RASAL2: variants seen among roughly 807,000 people sequenced by gnomAD.
The protein encoded by RASAL2 is ras GTPase-activating protein nGAP.
A neutral mutation model predicts 128.9 loss-of-function variants in RASAL2; 58 were observed. The ratio of observed to expected loss-of-function variants is 0.45; its 90% CI spans 0.36 to 0.56. RASAL2 has a LOEUF of 0.56. RASAL2 is among the 20% of genes least tolerant of loss of function. RASAL2 has a pLI of 0.00. For synonymous variants in RASAL2, 561 were observed against 580.8 expected (o/e 0.97, Z 0.49); for missense variants, 1,360 against 1,601.6 (o/e 0.85, Z 2.57).
At chr1:178,306,958 T>TAC (rs1191877355) in intron 3 of RASAL2, among the ~76,000 whole-genome samples, 4 of 151,296 alleles carry the variant, frequency 2.6e-5, no homozygotes, top group African/African-American at 9.7e-5. Context: ...GGCACATGTA[T>TAC]ACATATGTAA....
At chr1:178,142,371 C>T (rs1660565049) in intron 1 of RASAL2, among the ~76,000 whole-genome samples, 1 of 152,094 alleles carries the variant, frequency 6.6e-6, no homozygotes, top group South Asian at 2.1e-4. Flanking sequence ...TCCTTTCCCT[C>T]CTCTTGGGGA....
chr1:178,178,481 T>C (rs1176591423), intron 1 of RASAL2, among the ~76,000 whole-genome samples: 1 of 152,184 alleles, frequency 6.6e-6, no homozygotes, highest in Non-Finnish European at 1.5e-5. Flanking sequence ...ATATGAGATA[T>C]TGCAAGTCAA....
At chr1:178,339,310 G>A (rs1461957345) in intron 3 of RASAL2, among the ~76,000 whole-genome samples, 1 of 152,228 alleles carries the variant, frequency 6.6e-6, no homozygotes. Context: ...TTGCTTCTAA[G>A]AGTAATTTCT....
intron 1 of RASAL2, among the ~76,000 whole-genome samples, chr1:178,179,308 C>T (rs999443513): frequency 6.6e-6 from 1 of 152,152 alleles, no homozygotes; most frequent in African/African-American, 2.4e-5. Context: ...TCTGAAACAC[C>T]ACTGACTGAG....
chr1:178,428,887 C>T (rs192610964), intron 5 of RASAL2, among the ~76,000 whole-genome samples: 10 of 152,268 alleles, frequency 6.6e-5, no homozygotes, highest in South Asian at 2.1e-4. Context: ...TGCTCTTCCC[C>T]TGTAGCCTAC....
chr1:178,299,194 T>C (rs1667650989), intron 2 of RASAL2, among the ~76,000 whole-genome samples: 1 of 152,192 alleles, frequency 6.6e-6, no homozygotes, highest in Non-Finnish European at 1.5e-5. Context: ...AAAATGTGAT[T>C]TATTAACTAT....
At chr1:178,403,400 G>A (rs1436216452) in intron 4 of RASAL2, among the ~76,000 whole-genome samples, 1 of 152,098 alleles carries the variant, frequency 6.6e-6, no homozygotes, top group Non-Finnish European at 1.5e-5. Context: ...ATGAAGATGA[G>A]CTCAATGTGT....
intron 1 of RASAL2, among the ~76,000 whole-genome samples, chr1:178,255,439 G>GA (rs1409124531): frequency 6.6e-6 from 1 of 152,030 alleles, no homozygotes; most frequent in Non-Finnish European, 1.5e-5. Context: ...AATTACGCAC[G>GA]AAAGACATGG....
At chr1:178,283,443 C>A in intron 1 of RASAL2, 121 bp from the exon 2 acceptor site, 1 of 1,192,838 alleles carries the variant, frequency 8.4e-7, no homozygotes. Flanking sequence ...TTAAATTTAC[C>A]ATTGAGATTC....
chr1:178,389,660 A>G (rs981733454), intron 3 of RASAL2, among the ~76,000 whole-genome samples: 1 of 152,214 alleles, frequency 6.6e-6, no homozygotes, highest in African/African-American at 2.4e-5. Flanking sequence ...TCTGCACAGA[A>G]CTAACTTTGA....
chr1:178,425,445 A>G (rs1230066791), intron 5 of RASAL2, among the ~76,000 whole-genome samples: 3 of 152,198 alleles, frequency 2.0e-5, no homozygotes, highest in Non-Finnish European at 4.4e-5. Context: ...TACTTAATCT[A>G]TAATTCTCAC....
intron 2 of RASAL2, among the ~76,000 whole-genome samples, chr1:178,293,102 T>C (rs933755419): frequency 6.6e-6 from 1 of 152,238 alleles, no homozygotes; most frequent in African/African-American, 2.4e-5. Flanking sequence ...TCAATAGATA[T>C]ATAATATGCC....
chr1:178,131,313 C>T (rs1012003142), intron 1 of RASAL2, among the ~76,000 whole-genome samples: 1 of 151,610 alleles, frequency 6.6e-6, no homozygotes, highest in East Asian at 1.9e-4. Flanking sequence ...CTCAAGTGAT[C>T]CTCCTGCCTC....
chr1:178,238,140 A>T (rs558668623), intron 1 of RASAL2, among the ~76,000 whole-genome samples: 1 of 152,274 alleles, frequency 6.6e-6, no homozygotes, highest in African/African-American at 2.4e-5. Flanking sequence ...GTCTCTATAG[A>T]TTTGCTTATA....
At chr1:178,285,135 A>T in intron 2 of RASAL2, among the ~76,000 whole-genome samples, 1 of 92,542 alleles carries the variant, frequency 1.1e-5, no homozygotes, top group Non-Finnish European at 1.9e-5. Flanking sequence ...TTTTTTTGAG[A>T]CGGAGTCTCG....
At chr1:178,428,217 A>G (rs1675652519) in intron 5 of RASAL2, among the ~76,000 whole-genome samples, 2 of 152,210 alleles carry the variant, frequency 1.3e-5, no homozygotes, top group African/African-American at 4.8e-5. Flanking sequence ...TTTTGCTATC[A>G]TTAATATGAA....
intron 4 of RASAL2, among the ~76,000 whole-genome samples, chr1:178,390,523 C>T (rs958700895): frequency 2.6e-5 from 4 of 152,016 alleles, no homozygotes; most frequent in Non-Finnish European, 4.4e-5. Flanking sequence ...GAATTACAGG[C>T]GCATACCATC....
At chr1:178,295,311 C>T (rs145950309) in intron 2 of RASAL2, among the ~76,000 whole-genome samples, 221 of 151,634 alleles carry the variant, frequency 1.5e-3, no homozygotes, top group African/African-American at 5.1e-3. Flanking sequence ...CATAGGTACA[C>T]GTGTGCCATG....
At chr1:178,207,039 G>A (rs929460964) in intron 1 of RASAL2, among the ~76,000 whole-genome samples, 1 of 151,702 alleles carries the variant, frequency 6.6e-6, no homozygotes, top group Non-Finnish European at 1.5e-5. Context: ...TATATTAGCT[G>A]GGCATGGTGT....
Sources: allele counts gnomAD v4.1 joint callset (sites outside exome capture counted in the v4.1 genomes callset), GRCh38; gene constraint gnomAD v4.1.1; transcripts MANE v1.5; gene names NCBI Gene and HGNC (gene_info 2026-07-23, HGNC 2026-07-21).